Variants in MARF1 observed in about 807,000 individuals in gnomAD.
The protein encoded by MARF1 is limkain-b1.
In MARF1, 24 loss-of-function variants were observed where a neutral mutation model predicts 168.2. That is an observed-to-expected ratio of 0.14 (90% CI 0.10 to 0.20). MARF1 has a LOEUF of 0.20. Among genes scored for constraint, MARF1 ranks in the 10% least tolerant of loss-of-function variants. The pLI is 1.00. For synonymous variants in MARF1, 868 were observed against 822.4 expected (o/e 1.06, Z -0.95); for missense variants, 1,744 against 2,143.6 (o/e 0.81, Z 3.68).
chr16:15,603,346 T>C (rs954062032), intron 22 of MARF1, among the ~76,000 whole-genome samples: 3 of 152,054 alleles, frequency 2.0e-5, no homozygotes, highest in Non-Finnish European at 4.4e-5. Flanking sequence ...TAGAACAGTA[T>C]TTTTTTTCTT....
At chr16:15,628,829 C>T (rs1442708174) in intron 7 of MARF1, among the ~76,000 whole-genome samples, 1 of 151,908 alleles carries the variant, frequency 6.6e-6, no homozygotes, top group Non-Finnish European at 1.5e-5. Flanking sequence ...CCAGGCAGTA[C>T]CAATGTATGT....
In MARF1 at chr16:15,595,193, T is replaced by C. The variant is rs1388479375; in HGVS notation, c.*1500A>G. ...GGGTTTTTTCCATGGTGTTCTGTCTTGACTGGGGCCATGTGTTGAGAACTG... is the reference window on the plus strand; with the variant it reads ...GGGTTTTTTCCATGGTGTTCTGTCTCGACTGGGGCCATGTGTTGAGAACTG... On this transcript the variant is annotated 3_prime_UTR_variant, in exon 27 of 27. Transcript: ENST00000396368. 5 of 152,634 alleles carry C rather than the reference T, an allele frequency of 3.3e-5. No homozygotes were observed. Among genetic ancestry groups the C allele is most frequent in the Admixed American group, 3.3e-4 (5 of 15,284 alleles). The allele number at this position is 152,634 out of a possible 1,614,324, so 9.5% of individuals were successfully genotyped here.
intron 22 of MARF1, chr16:15,602,586 T>C (rs749929858): frequency 1.5e-5 from 4 of 269,272 alleles, no homozygotes; most frequent in East Asian, 1.2e-4. Context: ...AAGATGAAGA[T>C]GACAAAAAAG....
In MARF1 at chr16:15,635,669, T is replaced by C; in HGVS notation, c.818A>G (p.Asp273Gly). Reference sequence around the variant, plus strand: ...AAAGATACGAACCTTGTTTAGACAGTCTTCGCAGTAAAGTGAGCCCTTTAA... The same window carrying C: ...AAAGATACGAACCTTGTTTAGACAGCCTTCGCAGTAAAGTGAGCCCTTTAA... The part of the protein sequence containing the change: ...VCLKGSLYCE[D>G]CLNKPARNSI... The change falls in exon 3 of 27, where the codon GAC (aspartate) becomes GGC (glycine). Residue 273 changes from aspartate (D) to glycine (G), a missense_variant. Transcript: ENST00000396368. 3 of 1,613,620 alleles carry C rather than the reference T, an allele frequency of 1.9e-6. No homozygotes were observed. Among genetic ancestry groups the C allele is most frequent in the Non-Finnish European group, 2.5e-6 (3 of 1,179,770 alleles).
chr16:15,631,591 T>C, intron 5 of MARF1, 93 bp from the exon 6 acceptor site: 1 of 799,004 alleles, frequency 1.3e-6, no homozygotes, highest in Admixed American at 2.5e-5. Flanking sequence ...TTAAATTTTA[T>C]TATACTTTAA....
At chr16:15,617,582 A>C (rs2034162735) in intron 13 of MARF1, 47 bp from the exon 14 acceptor site, 1 of 1,296,510 alleles carries the variant, frequency 7.7e-7, no homozygotes, top group African/African-American at 1.5e-5. Context: ...TTTTTCTTTG[A>C]TTATACAGAA....
chr16:15,625,998 G>A (rs1390110427), intron 7 of MARF1, among the ~76,000 whole-genome samples, 198 bp from the exon 8 acceptor site: 1 of 152,112 alleles, frequency 6.6e-6, no homozygotes, highest in Non-Finnish European at 1.5e-5. Flanking sequence ...GCTTTAGCTG[G>A]GCATGGTGGT....
In MARF1 at chr16:15,639,120, A is replaced by G; in HGVS notation, c.114T>C (p.Pro38=). The G allele has an allele frequency of 6.2e-7, 1 of 1,614,192 alleles. No individual in the cohort carries two copies. The highest frequency in any genetic ancestry group is 8.5e-7 in the Non-Finnish European group (1 of 1,180,026). Reference sequence around the variant, plus strand: ...GGGGACTATGTGGCAGCGTCTGCTCAGGACGAGAAAAGCAATTAGAGAATT... The same window carrying G: ...GGGGACTATGTGGCAGCGTCTGCTCGGGACGAGAAAAGCAATTAGAGAATT... ...LWKFSNCFSR[P]EQTLPHSPQT... Residue 38 remains proline, a synonymous_variant, in exon 2 of 27, where the codon CCT becomes CCC. Transcript: ENST00000396368.
At chr16:15,625,242 A>G (rs1248640600) in intron 8 of MARF1, 69 bp from the exon 9 acceptor site, 3 of 1,576,966 alleles carry the variant, frequency 1.9e-6, no homozygotes, top group Non-Finnish European at 2.6e-6. Context: ...CTTTACAGAA[A>G]ACGATTGACT....
rs2031638973 is a variant in MARF1 at position 15,595,965 on chromosome 16, A to C, written c.*728T>G. The stretch of plus-strand genomic sequence containing the variant: ...CCTTTTCCTTAACCTAACCCATATC[A>C]AACTGGAACACAGAAGGGAAGCTTC... On this transcript the variant is annotated 3_prime_UTR_variant, in exon 27 of 27. Transcript: ENST00000396368. 6.6e-6 allele frequency: 1 copy of C among 152,530 alleles called. No individual in the cohort carries two copies. The highest frequency in any genetic ancestry group is 2.1e-4 in the South Asian group (1 of 4,830). The allele number at this position is 152,530 out of a possible 1,614,324, so 9.4% of individuals were successfully genotyped here.
Position 15,621,767 on chromosome 16 carries a change from T to C in MARF1, c.2605A>G (p.Thr869Ala), listed in dbSNP as rs184906468. Reference sequence around the variant, plus strand: ...GAGAGTGATTTGCTGGCAGCCCCGGTGGCAAGTGAGACCAGGATCTTTTTG... The same window carrying C: ...GAGAGTGATTTGCTGGCAGCCCCGGCGGCAAGTGAGACCAGGATCTTTTTG... The part of the protein sequence containing the change: ...GSKKILVSLA[T>A]GAASKSLSLL... Residue 869 changes from threonine (T) to alanine (A), a missense_variant, in exon 12 of 27, where the codon ACC (threonine) becomes GCC (alanine). Physicochemically the swap from Thr to Ala is moderately conservative, Grantham distance 58. Around this residue, in one of 7 missense-constraint regions of MARF1, gnomAD observed 543 missense variants for 742.1 expected, o/e 0.73. Coordinates refer to ENST00000396368, the MANE Select transcript of MARF1 (RefSeq NM_014647.4). 2 of 1,614,192 alleles carry C rather than the reference T, an allele frequency of 1.2e-6. No homozygotes were observed. The highest frequency in any genetic ancestry group is 3.3e-5 in the Admixed American group (2 of 60,022).
At position 15,617,435 on chromosome 16, in the gene MARF1, T is replaced by C. The variant is rs1474031314; in HGVS notation, c.2821A>G (p.Ser941Gly). The C allele has an allele frequency of 1.9e-6, 3 of 1,614,130 alleles. No individual in the cohort carries two copies. Among genetic ancestry groups the C allele is most frequent in the Non-Finnish European group, 2.5e-6 (3 of 1,180,040 alleles). The part of the protein sequence containing the change: ...NGRLVCLLPS[S>G]QARQSPLGSS... ...CCCAAGGGGCTCTGGCGGGCCTGAC[T>C]GCTGGGTAGGAGACACACCAGCCGT... is the stretch of plus-strand genomic sequence containing the variant. Residue 941 changes from serine to glycine, a missense_variant, in exon 14 of 27, where the codon AGT becomes GGT. By Grantham distance (56) the Ser-to-Gly change is moderately conservative. Around this residue, in one of 7 missense-constraint regions of MARF1, gnomAD observed 543 missense variants for 742.1 expected, o/e 0.73. Coordinates refer to ENST00000396368, the MANE Select transcript of MARF1 (RefSeq NM_014647.4).
At chr16:15,611,530 T>G in intron 18 of MARF1, 62 bp downstream of exon 18, 1 of 1,466,032 alleles carries the variant, frequency 6.8e-7, no homozygotes, top group Non-Finnish European at 9.4e-7. Flanking sequence ...TATTTAGAGT[T>G]TGGCAGAAGA....
chr16:15,636,375 T>G lies in MARF1; in HGVS notation c.145-33A>C, dbSNP rs776294315. 2.7e-6 allele frequency: 4 copies of G among 1,502,192 alleles called. No homozygotes were observed. In the East Asian group the frequency reaches 9.1e-5, roughly 34 times the overall value. 93.1% of individuals were successfully genotyped at this position (1,502,192 alleles called of 1,614,324 possible). ...AAGAAAATCAGAACATAAATTAATT[T>G]TATGAGGTCCGTGGTTTTTTGGTTA... is the stretch of plus-strand genomic sequence containing the variant. On this transcript the variant is annotated intron_variant, in intron 2 of 26. Coordinates refer to ENST00000396368, the MANE Select transcript of MARF1 (RefSeq NM_014647.4).
chr16:15,630,224 T>C, intron 7 of MARF1, 108 bp downstream of exon 7: 1 of 956,332 alleles, frequency 1.0e-6, no homozygotes, highest in Admixed American at 2.9e-5. Flanking sequence ...ACCCACCTCT[T>C]ACAAAGAACA....
At chr16:15,616,129 C>T in intron 15 of MARF1, 124 bp from the exon 16 acceptor site, 1 of 778,686 alleles carries the variant, frequency 1.3e-6, no homozygotes, top group Non-Finnish European at 1.8e-6. Context: ...ATGCCCACCA[C>T]CAGGTTTGAA....
chr16:15,625,423 T>C lies in MARF1; in HGVS notation c.1902A>G (p.Ser634=). The C allele has an allele frequency of 6.2e-7, 1 of 1,613,218 alleles. No homozygotes were observed. The highest frequency in any genetic ancestry group is 8.5e-7 in the Non-Finnish European group (1 of 1,179,694). Residue 634 remains serine, a synonymous_variant, in exon 8 of 27, where the codon TCA becomes TCG. Coordinates refer to ENST00000396368, the MANE Select transcript of MARF1 (RefSeq NM_014647.4). ...TTGTAGCAGATCCAGAATTTGCCTG[T>C]GACCCTTTTCCAGGCGTGGCTTTGG... ...SSAKATPGKG[S]QANSGSATKN...
At position 15,604,350 on chromosome 16, in the gene MARF1, A is replaced by G; in HGVS notation, c.4231T>C (p.Ser1411Pro). The G allele has an allele frequency of 6.2e-7, 1 of 1,614,156 alleles. No homozygotes were observed. The highest frequency in any genetic ancestry group is 1.1e-5 in the South Asian group (1 of 91,084). Residue 1411 changes from serine (S) to proline (P), a missense_variant, in exon 22 of 27, where the codon TCT becomes CCT. Ser to Pro is a moderately conservative substitution (Grantham distance 74). Coordinates refer to ENST00000396368, the MANE Select transcript of MARF1 (RefSeq NM_014647.4). The part of the protein sequence containing the change: ...GRQIQLINRK[S>P]LRSLTAQLLV... ...AACTGGGCAGTGAGAGATCGCAGAG[A>G]CTTTCGGTTGATCAGCTGAATCTGT...
Position 15,630,641 on chromosome 16 carries a change from A to G in MARF1, c.1352-137T>C, listed in dbSNP as rs985164221. 3.1e-5 allele frequency: 20 copies of G among 651,594 alleles called. No homozygotes were observed. In the East Asian group the frequency reaches 5.1e-4, roughly 17 times the overall value. The allele number at this position is 651,594 out of a possible 1,614,324, so 40.4% of individuals were successfully genotyped here. On this transcript the variant is annotated intron_variant, in intron 6 of 26. Transcript: ENST00000396368. Reference sequence around the variant, plus strand: ...AAAATTGCTTCCCCCGTTTCTTAGGAAAGAAACACGTTTCACATCAGAAGA... The same window carrying G: ...AAAATTGCTTCCCCCGTTTCTTAGGGAAGAAACACGTTTCACATCAGAAGA...
Sources: allele counts gnomAD v4.1 joint callset (sites outside exome capture counted in the v4.1 genomes callset), GRCh38; gene constraint gnomAD v4.1.1; regional missense constraint gnomAD v4.1.1; transcripts MANE v1.5; gene names NCBI Gene and HGNC (gene_info 2026-07-23, HGNC 2026-07-21).